Variants in UNC93A observed in about 807,000 individuals in gnomAD.
The protein encoded by UNC93A is N-acetylglucosamine transporter UNC93A.
A neutral mutation model predicts 47.5 loss-of-function variants in UNC93A; 43 were observed. The ratio of observed to expected loss-of-function variants is 0.91; its 90% CI spans 0.71 to 1.17. The LOEUF (loss-of-function observed/expected upper bound fraction) is 1.17. Ranked by LOEUF, UNC93A falls within the 50% of genes most tolerant of loss-of-function variation. The pLI is 0.00. For missense variants in UNC93A, 605 were observed against 577.6 expected (o/e 1.05, Z -0.49); for synonymous variants, 280 against 258.0 (o/e 1.09, Z -0.82).
At chr6:167,296,403 C>A in intron 3 of UNC93A, 142 bp downstream of exon 3, 1 of 866,450 alleles carries the variant, frequency 1.2e-6, no homozygotes, top group Non-Finnish European at 1.8e-6. Context: ...GTGAGATTCT[C>A]AACCTGCCTG....
intron 4 of UNC93A, 36 bp from the exon 5 acceptor site, chr6:167,303,883 C>T (rs1778308240): frequency 6.2e-7 from 1 of 1,607,940 alleles, no homozygotes; most frequent in Non-Finnish European, 8.5e-7. Context: ...CCTCTGGGCC[C>T]CCATGAAAGC....
At chr6:167,306,171 C>T (rs1562358230) in intron 6 of UNC93A, 121 bp downstream of exon 6, 3 of 1,348,054 alleles carry the variant, frequency 2.2e-6, no homozygotes, top group Non-Finnish European at 3.1e-6. Context: ...ATCAGTAACG[C>T]CCTGTAAGAT....
chr6:167,304,203 T>C, intron 5 of UNC93A, 70 bp downstream of exon 5: 1 of 1,558,380 alleles, frequency 6.4e-7, no homozygotes, highest in Non-Finnish European at 8.8e-7. Flanking sequence ...TGTCTGTACC[T>C]GCAGGACCGC....
At chr6:167,305,830 T>A (rs1778369769) in intron 5 of UNC93A, 85 bp from the exon 6 acceptor site, 1 of 1,586,768 alleles carries the variant, frequency 6.3e-7, no homozygotes, top group Non-Finnish European at 8.6e-7. Context: ...TCAGAGCAGA[T>A]GTTCTAAGCA....
intron 6 of UNC93A, 45 bp from the exon 7 acceptor site, chr6:167,307,734 G>A (rs1422912458): frequency 6.4e-7 from 1 of 1,572,808 alleles, no homozygotes; most frequent in Non-Finnish European, 8.6e-7. Context: ...TCCAGGCCAT[G>A]ATGATGGCCC....
At chr6:167,274,127 T>G (rs1783498755) in intron 1 of UNC93A, among the ~76,000 whole-genome samples, 1 of 152,202 alleles carries the variant, frequency 6.6e-6, no homozygotes, top group Non-Finnish European at 1.5e-5. Context: ...CTTCCTTATC[T>G]GTCATGTGAA....
chr6:167,277,938 C>A (rs78481496), intron 1 of UNC93A, among the ~76,000 whole-genome samples: 2 of 152,130 alleles, frequency 1.3e-5, no homozygotes, highest in Admixed American at 6.5e-5. Flanking sequence ...AGCCACCAGG[C>A]GGGCTCCTGT....
At chr6:167,302,831 C>T (rs865914120) in intron 4 of UNC93A, among the ~76,000 whole-genome samples, 6 of 152,128 alleles carry the variant, frequency 3.9e-5, no homozygotes, top group Non-Finnish European at 5.9e-5. Flanking sequence ...AGGCTAGCTG[C>T]GGTCTGAGAA....
At chr6:167,292,467 T>A (rs1353985571) in intron 1 of UNC93A, among the ~76,000 whole-genome samples, 1 of 152,218 alleles carries the variant, frequency 6.6e-6, no homozygotes, top group Admixed American at 6.5e-5. Flanking sequence ...ACTGTTGTTG[T>A]GCAAACACTT....
chr6:167,308,037 G>C lies in UNC93A; in HGVS notation c.1108+127G>C, dbSNP rs1221880448. 2.3e-6 allele frequency: 3 copies of C among 1,306,240 alleles called. No homozygotes were observed. The African/African-American group carries it at 4.5e-5, about 19-fold the overall frequency. The allele number at this position is 1,306,240 out of a possible 1,614,324, so 80.9% of individuals were successfully genotyped here. On this transcript the variant is annotated intron_variant, in intron 7 of 7. Coordinates refer to ENST00000230256, the MANE Select transcript of UNC93A (RefSeq NM_018974.4). ...GAGATGAGTTGGGAGAGACGGGAGG[G>C]CCAAGAGGGCTTTGATGTCGCCTCT...
intron 1 of UNC93A, among the ~76,000 whole-genome samples, chr6:167,274,398 G>T (rs1370318291): frequency 6.6e-6 from 1 of 152,168 alleles, no homozygotes; most frequent in East Asian, 1.9e-4. Flanking sequence ...TGCCTAAAGG[G>T]TTCTAGATGT....
chr6:167,309,019 G>T (rs1778482625), intron 7 of UNC93A, among the ~76,000 whole-genome samples: 1 of 152,088 alleles, frequency 6.6e-6, no homozygotes, highest in Non-Finnish European at 1.5e-5. Context: ...CAGGAGCCAG[G>T]GAGGAAGGGG....
At chr6:167,269,112 T>C (rs1783412259), upstream of UNC93A, among the ~76,000 whole-genome samples, 1 of 152,180 alleles carries the variant, frequency 6.6e-6, no homozygotes, top group African/African-American at 2.4e-5. Context: ...TGGGCAGCCG[T>C]AGCGAGGCTG....
intron 1 of UNC93A, among the ~76,000 whole-genome samples, chr6:167,277,657 C>T (rs145631767): frequency 1.3e-5 from 2 of 150,096 alleles, no homozygotes; most frequent in East Asian, 3.9e-4. Flanking sequence ...CCCTCTGTCT[C>T]TCTATCTCTC....
chr6:167,304,294 T>G (rs1778321988), intron 5 of UNC93A, among the ~76,000 whole-genome samples, 161 bp downstream of exon 5: 1 of 152,166 alleles, frequency 6.6e-6, no homozygotes, highest in Non-Finnish European at 1.5e-5. Flanking sequence ...TAGCTGAGTT[T>G]ATGATTCAAG....
Position 167,294,585 on chromosome 6 carries a change from G to A in UNC93A, c.156G>A (p.Leu52=), listed in dbSNP as rs558415122. The A allele has an allele frequency of 1.2e-6, 2 of 1,613,866 alleles. No homozygotes were observed. Among genetic ancestry groups the A allele is most frequent in the Admixed American group, 3.3e-5 (2 of 59,998 alleles). The change falls in exon 2 of 8, where the codon CTG becomes CTA. Residue 52 remains leucine, a synonymous_variant. Transcript: ENST00000230256. ...ALSTLYGGML[L]SSMFLPPLLI... ...GCACCCTCTATGGAGGCATGCTCCTGTCCTCCATGTTCCTCCCACCGCTCC... is the reference window on the plus strand; with the variant it reads ...GCACCCTCTATGGAGGCATGCTCCTATCCTCCATGTTCCTCCCACCGCTCC...
upstream of UNC93A, among the ~76,000 whole-genome samples, chr6:167,287,905 C>T (rs1021485742): frequency 6.6e-6 from 1 of 152,202 alleles, no homozygotes; most frequent in African/African-American, 2.4e-5. Flanking sequence ...AATCACAGAG[C>T]TGCTGCTCTC....
intron 1 of UNC93A, among the ~76,000 whole-genome samples, chr6:167,282,038 G>C (rs1167675360): frequency 6.6e-6 from 1 of 152,210 alleles, no homozygotes; most frequent in Non-Finnish European, 1.5e-5. Context: ...TGTTGTGAGA[G>C]ATAAAAAACA....
upstream of UNC93A, among the ~76,000 whole-genome samples, chr6:167,288,796 A>AT (rs1783788759): frequency 6.6e-6 from 1 of 152,186 alleles, no homozygotes; most frequent in Non-Finnish European, 1.5e-5. Flanking sequence ...TGAAGAACGC[A>AT]TGGCGCCTGT....
Sources: allele counts gnomAD v4.1 joint callset (sites outside exome capture counted in the v4.1 genomes callset), GRCh38; gene constraint gnomAD v4.1.1; transcripts MANE v1.5; gene names NCBI Gene and HGNC (gene_info 2026-07-23, HGNC 2026-07-21).